MLLT10: variants seen among roughly 807,000 people sequenced by gnomAD.
MLLT10 encodes the protein protein AF-10.
MLLT10 carries 30 observed loss-of-function variants against 129.1 expected under a neutral mutation model. That is an observed-to-expected ratio of 0.23 (90% CI 0.17 to 0.32). The LOEUF is 0.32. Ranked by LOEUF, MLLT10 falls within the 10% of genes least tolerant of loss-of-function variation. The pLI is 1.00. For missense variants in MLLT10, 1,119 were observed against 1,268.3 expected (o/e 0.88, Z 1.79); for synonymous variants, 490 against 446.4 (o/e 1.10, Z -1.23).
intron 4 of MLLT10, among the ~76,000 whole-genome samples, chr10:21,591,245 GACGGGGTTTC>G (rs2042468119): frequency 6.6e-6 from 1 of 152,166 alleles, no homozygotes; most frequent in African/African-American, 2.4e-5. Flanking sequence ...TTGTTGTAGA[GACGGGGTTTC>G]ACCATGTTGC....
At chr10:21,557,343 C>A (rs1011185208) in intron 3 of MLLT10, among the ~76,000 whole-genome samples, 1 of 152,142 alleles carries the variant, frequency 6.6e-6, no homozygotes, top group Admixed American at 6.6e-5. Flanking sequence ...AAAAGATCCA[C>A]GTACAAGAAG....
chr10:21,626,578 T>C (rs2046464940), intron 8 of MLLT10, among the ~76,000 whole-genome samples: 1 of 152,152 alleles, frequency 6.6e-6, no homozygotes, highest in African/African-American at 2.4e-5. Flanking sequence ...CCATCAGCTC[T>C]CAATAGTGTC....
intron 3 of MLLT10, among the ~76,000 whole-genome samples, chr10:21,560,067 G>A (rs1725583506): frequency 6.6e-6 from 1 of 152,016 alleles, no homozygotes; most frequent in African/African-American, 2.4e-5. Context: ...GTGCAATGGT[G>A]TGATCTTGGC....
intron 22 of MLLT10, among the ~76,000 whole-genome samples, chr10:21,741,108 G>T (rs142483896): frequency 1.3e-5 from 2 of 152,326 alleles, no homozygotes; most frequent in African/African-American, 4.8e-5. Flanking sequence ...TTAGTAACGA[G>T]AATTATTCAA....
At position 21,713,752 on chromosome 10, in the gene MLLT10, TA is replaced by T. The variant is rs767784706; in HGVS notation, c.1700-18del. 7.5e-6 allele frequency: 12 copies of T among 1,598,220 alleles called. No individual in the cohort carries two copies. The South Asian group carries it at 1.3e-4, about 18-fold the overall frequency. On this transcript the variant is annotated intron_variant, in intron 13 of 22. Coordinates refer to ENST00000307729, the MANE Select transcript of MLLT10 (RefSeq NM_001195626.3). ...ATTTGACTGCTAAGTTATATTTAAA[TA>T]ACATTTGTTTTTTTGCAGGTATTTA...
At chr10:21,574,638 G>C (rs988073083) in intron 3 of MLLT10, among the ~76,000 whole-genome samples, 12 of 152,152 alleles carry the variant, frequency 7.9e-5, no homozygotes, top group African/African-American at 1.2e-4. Context: ...GATTATTCAT[G>C]AGTTTTCTGG....
At chr10:21,614,109 T>C (rs568680723) in intron 6 of MLLT10, among the ~76,000 whole-genome samples, 1 of 151,188 alleles carries the variant, frequency 6.6e-6, no homozygotes, top group African/African-American at 2.4e-5. Flanking sequence ...TCCCAGCTAT[T>C]TGGGAGGCTG....
intron 8 of MLLT10, among the ~76,000 whole-genome samples, chr10:21,646,388 T>C (rs1273147897): frequency 1.3e-5 from 2 of 152,320 alleles, no homozygotes; most frequent in African/African-American, 4.8e-5. Flanking sequence ...AACGTTTCTC[T>C]CCCTTTTGTT....
At chr10:21,609,554 T>C (rs2044389382) in intron 5 of MLLT10, among the ~76,000 whole-genome samples, 1 of 152,178 alleles carries the variant, frequency 6.6e-6, no homozygotes, top group South Asian at 2.1e-4. Context: ...GGGTGCAGCC[T>C]AGTTCATGTG....
intron 14 of MLLT10, among the ~76,000 whole-genome samples, chr10:21,723,104 T>A (rs1250595490): frequency 6.6e-6 from 1 of 152,352 alleles, no homozygotes; most frequent in Middle Eastern, 3.4e-3. Flanking sequence ...TATCAACTTT[T>A]GCCAGCCATC....
At chr10:21,539,299 AATAATTTTAGTGACTATC>A (rs1415527139) in intron 3 of MLLT10, among the ~76,000 whole-genome samples, 1 of 152,178 alleles carries the variant, frequency 6.6e-6, no homozygotes, top group African/African-American at 2.4e-5. Context: ...AAAAAAACCC[AATAATTTTAGTGACTATC>A]ATATTCCTTT....
chr10:21,534,657 G>A lies in MLLT10; in HGVS notation c.13G>A (p.Asp5Asn). 6.2e-7 allele frequency: 1 copy of A among 1,609,698 alleles called. No individual in the cohort carries two copies. Among genetic ancestry groups the A allele is most frequent in the Non-Finnish European group, 8.5e-7 (1 of 1,177,686 alleles). MVSS[D>N]RPVSLEDEVS... The stretch of plus-strand genomic sequence containing the variant: ...AACTCCCTCTTAGATGGTCTCTAGC[G>A]ACCGGCCCGTGTCACTGGAGGACGA... The change falls in exon 2 of 23, where the codon GAC (aspartate) becomes AAC (asparagine). Residue 5 changes from aspartate to asparagine, a missense_variant. Physicochemically the swap from Asp to Asn is conservative, Grantham distance 23. Around this residue, in one of 5 missense-constraint regions of MLLT10, gnomAD observed 35 missense variants for 26.0 expected, o/e 1.35. Transcript: ENST00000307729.
intron 8 of MLLT10, chr10:21,625,723 A>G (rs2046364157): frequency 1.3e-6 from 1 of 768,588 alleles, no homozygotes; most frequent in Non-Finnish European, 2.4e-6. Context: ...TGCCACAGAA[A>G]TGCGCACTCC....
chr10:21,658,867 C>T (rs1317590262), intron 9 of MLLT10, among the ~76,000 whole-genome samples: 1 of 152,036 alleles, frequency 6.6e-6, no homozygotes, highest in African/African-American at 2.4e-5. Context: ...GGGGTTTCGC[C>T]GTGTTAGCTA....
At chr10:21,738,616 C>G (rs1564756737) in intron 21 of MLLT10, 1 of 1,172,128 alleles carries the variant, frequency 8.5e-7, no homozygotes, top group Non-Finnish European at 1.1e-6. Context: ...TTGCTTGACT[C>G]TGCTTCCCCC....
intron 11 of MLLT10, among the ~76,000 whole-genome samples, chr10:21,674,362 C>G (rs1372181471): frequency 1.3e-5 from 2 of 152,174 alleles, no homozygotes; most frequent in Non-Finnish European, 2.9e-5. Flanking sequence ...AACGACTCCT[C>G]ACACAGATAC....
At position 21,685,905 on chromosome 10, in the gene MLLT10, A is replaced by G. The variant is rs185430292; in HGVS notation, c.1699+3648A>G. On this transcript the variant is annotated intron_variant, in intron 13 of 22. Coordinates refer to ENST00000307729, the MANE Select transcript of MLLT10 (RefSeq NM_001195626.3). The stretch of plus-strand genomic sequence containing the variant: ...GCAAGCCTATTAGATGATGAGCTAA[A>G]TACTGACAAAATAAGATGAATAAAA... Among the ~76,000 whole-genome samples the G allele has an allele frequency of 4.6e-5, 7 of 152,336 alleles. No homozygotes were observed. In the East Asian group the frequency reaches 1.3e-3, roughly 29 times the overall value.
intron 8 of MLLT10, among the ~76,000 whole-genome samples, chr10:21,631,453 A>G (rs2047007192): frequency 6.6e-6 from 1 of 150,664 alleles, no homozygotes; most frequent in Non-Finnish European, 1.5e-5. Flanking sequence ...TTTTTTAAAT[A>G]CATCTTTCTG....
intron 13 of MLLT10, among the ~76,000 whole-genome samples, chr10:21,704,051 G>A (rs1428385818): frequency 1.1e-5 from 1 of 87,394 alleles, no homozygotes; most frequent in Non-Finnish European, 2.0e-5. Flanking sequence ...ATGGAGTGTT[G>A]CTCTGTTGCC....
Sources: allele counts gnomAD v4.1 joint callset (sites outside exome capture counted in the v4.1 genomes callset), GRCh38; gene constraint gnomAD v4.1.1; regional missense constraint gnomAD v4.1.1; transcripts MANE v1.5; gene names NCBI Gene and HGNC (gene_info 2026-07-23, HGNC 2026-07-21).